The following PHACTR1 variants were observed in gnomAD, a reference collection of about 807,000 sequenced individuals.
PHACTR1 encodes phosphatase and actin regulator 1.
Under a neutral mutation model 69.2 loss-of-function variants are expected in PHACTR1, and 16 were observed. The ratio of observed to expected loss-of-function variants is 0.23; its 90% confidence interval spans 0.16 to 0.35. The LOEUF is 0.35. Ranked by LOEUF, PHACTR1 falls within the 10% of genes least tolerant of loss-of-function variation. PHACTR1 has a pLI of 1.00. For missense variants in PHACTR1, 510 were observed against 734.7 expected (o/e 0.69, Z 3.54); for synonymous variants, 312 against 284.5 (o/e 1.10, Z -0.97).
intron 6 of PHACTR1, among the ~76,000 whole-genome samples, chr6:13,167,225 T>C (rs1316586364): frequency 6.6e-6 from 1 of 152,248 alleles, no homozygotes; most frequent in Non-Finnish European, 1.5e-5. Flanking sequence ...TTGCTATTAC[T>C]GGCTGTTGCA....
At chr6:13,267,342 G>A (rs2127434387) in intron 10 of PHACTR1, 1 of 152,358 alleles carries the variant, frequency 6.6e-6, no homozygotes, top group Middle Eastern at 3.4e-3. Flanking sequence ...GATAGAGCAA[G>A]AGTGATAACA....
intron 4 of PHACTR1, among the ~76,000 whole-genome samples, chr6:12,793,649 T>C (rs906328925): frequency 1.1e-4 from 16 of 152,168 alleles, no homozygotes; most frequent in African/African-American, 3.9e-4. Flanking sequence ...TAGAATTTAG[T>C]GGTGGGATGC....
chr6:13,179,694 G>C lies in PHACTR1; in HGVS notation c.497-2825G>C, dbSNP rs1761915953. Reference sequence around the variant, plus strand: ...GGTAGGTAGGTAGGTAGATAGATAAGTAGATAGAGATAGATAGATAGATAG... The same window carrying C: ...GGTAGGTAGGTAGGTAGATAGATAACTAGATAGAGATAGATAGATAGATAG... On this transcript the variant is annotated intron_variant, in intron 6 of 14. Coordinates refer to ENST00000332995, the MANE Select transcript of PHACTR1 (RefSeq NM_030948.6). This position sits in a 1 kb window ranked among gnomAD's most constrained non-coding sequence, Gnocchi z 4.2. 7.8e-6 allele frequency among the ~76,000 whole-genome samples: 1 copy of C among 127,830 alleles called. No homozygotes were observed. The highest frequency in any genetic ancestry group is 2.8e-4 in the South Asian group (1 of 3,618). The allele number at this position is 127,830 out of a possible 152,430, so 83.9% of individuals were successfully genotyped here. A position where few individuals can be genotyped will look rare whatever the true frequency, so the allele number is the denominator to read the frequency against.
At chr6:12,975,178 C>T (rs933163309) in intron 4 of PHACTR1, among the ~76,000 whole-genome samples, 2 of 152,184 alleles carry the variant, frequency 1.3e-5, no homozygotes, top group African/African-American at 2.4e-5. Flanking sequence ...GGAAAGCCCA[C>T]GGCCTGTGTT....
chr6:13,214,066 G>A (rs1411985403), intron 8 of PHACTR1: 1 of 151,936 alleles, frequency 6.6e-6, no homozygotes, highest in Non-Finnish European at 1.5e-5. Flanking sequence ...ATACTTACCT[G>A]GCAGTGGAGA....
chr6:12,975,765 A>G (rs1025519830), intron 4 of PHACTR1, among the ~76,000 whole-genome samples: 2 of 152,150 alleles, frequency 1.3e-5, no homozygotes, highest in African/African-American at 4.8e-5. Flanking sequence ...ATTTTTTTGT[A>G]GAGACAGAAT....
intron 5 of PHACTR1, among the ~76,000 whole-genome samples, chr6:13,153,826 AC>A (rs1392754181): frequency 6.6e-6 from 1 of 152,178 alleles, no homozygotes; most frequent in African/African-American, 2.4e-5. Context: ...AAAGAAATTT[AC>A]CTTTATATGC....
intron 4 of PHACTR1, among the ~76,000 whole-genome samples, chr6:12,755,184 T>C (rs1767166993): frequency 6.6e-6 from 1 of 152,146 alleles, no homozygotes; most frequent in Non-Finnish European, 1.5e-5. Context: ...GGTAAATTAC[T>C]TTTTTGGTTT....
chr6:12,753,996 T>C (rs1766964718), intron 4 of PHACTR1, among the ~76,000 whole-genome samples: 1 of 146,788 alleles, frequency 6.8e-6, no homozygotes, highest in Non-Finnish European at 1.5e-5. Flanking sequence ...AGAGTCTCAC[T>C]CTGTCACCCA....
intron 4 of PHACTR1, among the ~76,000 whole-genome samples, chr6:12,947,074 G>A (rs1036460487): frequency 4.6e-5 from 7 of 151,840 alleles, no homozygotes; most frequent in African/African-American, 1.5e-4. Flanking sequence ...GCCTCCGAAA[G>A]TGCTGGGATT....
chr6:12,891,441 C>T (rs1487236103), intron 4 of PHACTR1, among the ~76,000 whole-genome samples: 1 of 152,134 alleles, frequency 6.6e-6, no homozygotes. Context: ...GCTGTCATTA[C>T]TTAGATTGAG....
chr6:12,993,542 T>C (rs1797060806), intron 4 of PHACTR1, among the ~76,000 whole-genome samples: 1 of 152,188 alleles, frequency 6.6e-6, no homozygotes, highest in Non-Finnish European at 1.5e-5. Context: ...CAGGCTTGCA[T>C]TTGCTTCAGG....
intron 3 of PHACTR1, among the ~76,000 whole-genome samples, chr6:12,735,446 C>G (rs750819349): frequency 2.0e-5 from 3 of 152,214 alleles, no homozygotes; most frequent in Non-Finnish European, 4.4e-5. Flanking sequence ...TGGAAGCTGG[C>G]TACCACAATA....
intron 4 of PHACTR1, among the ~76,000 whole-genome samples, chr6:12,889,819 G>A (rs1224766833): frequency 1.1e-5 from 1 of 89,676 alleles, no homozygotes; most frequent in South Asian, 4.0e-4. Context: ...TTTTTTAAAC[G>A]ACTCCCAAAC....
intron 4 of PHACTR1, among the ~76,000 whole-genome samples, chr6:12,852,290 C>T (rs73722888): frequency 0.016 from 2,495 of 152,252 alleles, 60 homozygotes; most frequent in African/African-American, 0.055. Flanking sequence ...TTCTTCCTCC[C>T]TATCCTATAA....
chr6:12,756,621 G>A (rs1039464534), intron 4 of PHACTR1, among the ~76,000 whole-genome samples: 1 of 152,166 alleles, frequency 6.6e-6, no homozygotes, highest in African/African-American at 2.4e-5. Flanking sequence ...AAAGCCTGTA[G>A]GCTTTCTATT....
intron 4 of PHACTR1, among the ~76,000 whole-genome samples, chr6:12,810,815 G>A (rs1217033117): frequency 1.3e-5 from 2 of 152,034 alleles, no homozygotes; most frequent in African/African-American, 4.8e-5. Flanking sequence ...CCTTTTCTCT[G>A]TGCTTCTTTG....
intron 4 of PHACTR1, among the ~76,000 whole-genome samples, chr6:12,829,964 AAGAG>A (rs149861206): frequency 0.041 from 4,143 of 99,910 alleles, 94 homozygotes; most frequent in Non-Finnish European, 0.048. Context: ...TCAAGAAAGA[AAGAG>A]AGAGAGAGAG....
chr6:13,062,648 T>C (rs1324701259), intron 5 of PHACTR1, among the ~76,000 whole-genome samples: 1 of 152,202 alleles, frequency 6.6e-6, no homozygotes, highest in Non-Finnish European at 1.5e-5. Context: ...TTGCCTTCCA[T>C]GCTAGCCCCA....
Sources: allele counts gnomAD v4.1 joint callset (sites outside exome capture counted in the v4.1 genomes callset), GRCh38; gene constraint gnomAD v4.1.1; non-coding constraint Gnocchi (gnomAD v3.1); transcripts MANE v1.5; gene names NCBI Gene and HGNC (gene_info 2026-07-23, HGNC 2026-07-21).